Variants in EPHB2 observed in about 807,000 individuals in gnomAD.
EPHB2 encodes EPH receptor B2.
In EPHB2, 18 loss-of-function variants were observed where a neutral mutation model predicts 96.4. The observed-to-expected ratio is 0.19, with a 90% CI of 0.13 to 0.28. The LOEUF is 0.28. Ranked by LOEUF, EPHB2 falls within the 10% of genes least tolerant of loss-of-function variation. The probability of loss-of-function intolerance (pLI) is 1.00; values close to 1 mark genes in which losing one functional copy is unlikely to be tolerated. For missense variants in EPHB2, 989 were observed against 1,355.4 expected, an observed-to-expected ratio of 0.73 and a Z score of 4.25; for synonymous variants, 506 against 534.1, an observed-to-expected ratio of 0.95 and a Z score of 0.72.
chr1:22,877,357 G>A (rs1486348957), intron 5 of EPHB2, among the ~76,000 whole-genome samples: 1 of 152,260 alleles, frequency 6.6e-6, no homozygotes, highest in Non-Finnish European at 1.5e-5. Flanking sequence ...TGTGAAGCAT[G>A]TGGTTTGCTG....
chr1:22,841,743 C>T (rs528300212), intron 3 of EPHB2, among the ~76,000 whole-genome samples: 5 of 152,288 alleles, frequency 3.3e-5, no homozygotes, highest in South Asian at 2.1e-4. Context: ...CATGCCCTGT[C>T]GGCCCCATGG....
intron 1 of EPHB2, among the ~76,000 whole-genome samples, chr1:22,744,150 G>A (rs1002304390): frequency 1.4e-5 from 2 of 141,080 alleles, no homozygotes; most frequent in Non-Finnish European, 3.0e-5. Context: ...TGGGGTAAGA[G>A]TATGAATAAA....
At chr1:22,898,724 T>G (rs1439128488) in intron 9 of EPHB2, among the ~76,000 whole-genome samples, 3 of 152,020 alleles carry the variant, frequency 2.0e-5, no homozygotes, top group African/African-American at 7.2e-5. Context: ...AGGGAAGACA[T>G]GATGGTGGCC....
chr1:22,829,059 G>A (rs1487177834), intron 3 of EPHB2, among the ~76,000 whole-genome samples: 1 of 152,142 alleles, frequency 6.6e-6, no homozygotes, highest in Non-Finnish European at 1.5e-5. Flanking sequence ...GTGCCGTAGT[G>A]TCACATCAAG....
At chr1:22,882,283 G>A (rs765985759) in intron 5 of EPHB2, 76 bp from the exon 6 acceptor site, 7 of 1,596,228 alleles carry the variant, frequency 4.4e-6, no homozygotes, top group East Asian at 2.3e-5. Context: ...CCACCTGTCC[G>A]AGTACCTCTG....
intron 1 of EPHB2, among the ~76,000 whole-genome samples, chr1:22,762,466 G>C (rs1294810063): frequency 6.6e-6 from 1 of 152,056 alleles, no homozygotes; most frequent in Admixed American, 6.5e-5. Flanking sequence ...CCTGTGCCTT[G>C]AGCAAGCCAG....
chr1:22,711,155 GC>G (rs1487394591), intron 1 of EPHB2, 112 bp downstream of exon 1: 1 of 146,718 alleles, frequency 6.8e-6, no homozygotes, highest in Non-Finnish European at 1.5e-5. Flanking sequence ...GGGGGCCGGC[GC>G]CGGGCGCAGG....
At chr1:22,787,068 A>G (rs1337880954) in intron 3 of EPHB2, among the ~76,000 whole-genome samples, 1 of 152,218 alleles carries the variant, frequency 6.6e-6, no homozygotes, top group Non-Finnish European at 1.5e-5. Flanking sequence ...CCTTATGTTG[A>G]GCATCAGGCA....
chr1:22,729,797 A>G (rs1463256257), intron 1 of EPHB2, among the ~76,000 whole-genome samples: 1 of 152,250 alleles, frequency 6.6e-6, no homozygotes, highest in East Asian at 1.9e-4. Flanking sequence ...CAGACCGTCA[A>G]CTTTACAAGG....
intron 6 of EPHB2, among the ~76,000 whole-genome samples, chr1:22,889,256 T>C (rs571640596): frequency 3.0e-4 from 45 of 152,230 alleles, no homozygotes; most frequent in African/African-American, 9.9e-4. Context: ...GGTTCCTCAC[T>C]CTCATGAGGC....
chr1:22,767,110 C>T (rs920189968), intron 1 of EPHB2, among the ~76,000 whole-genome samples: 5 of 152,226 alleles, frequency 3.3e-5, no homozygotes, highest in East Asian at 3.9e-4. Context: ...CTCCAGGTCA[C>T]ACTGGGCACC....
chr1:22,838,986 A>G (rs752963324), intron 3 of EPHB2, among the ~76,000 whole-genome samples: 32 of 152,216 alleles, frequency 2.1e-4, no homozygotes, highest in Non-Finnish European at 4.3e-4. Flanking sequence ...ATCATACTAG[A>G]GAAGGGTGTG....
At chr1:22,778,124 C>T (rs952011344) in intron 1 of EPHB2, among the ~76,000 whole-genome samples, 2 of 152,134 alleles carry the variant, frequency 1.3e-5, no homozygotes, top group African/African-American at 4.8e-5. Flanking sequence ...CTCCTGGGTT[C>T]AAGCAATTTT....
chr1:22,826,967 C>A (rs370815195), intron 3 of EPHB2, among the ~76,000 whole-genome samples: 1 of 152,226 alleles, frequency 6.6e-6, no homozygotes, highest in Non-Finnish European at 1.5e-5. Flanking sequence ...CCTCCCCCTG[C>A]CTTTGACCTC....
chr1:22,739,859 A>G (rs1643882747), intron 1 of EPHB2, among the ~76,000 whole-genome samples: 1 of 152,210 alleles, frequency 6.6e-6, no homozygotes, highest in Admixed American at 6.5e-5. Context: ...TGAGTGATTC[A>G]TAACCTGACG....
intron 3 of EPHB2, among the ~76,000 whole-genome samples, chr1:22,816,512 TC>T: frequency 6.6e-6 from 1 of 152,116 alleles, no homozygotes; most frequent in South Asian, 2.1e-4. Flanking sequence ...GCCCTTGCCA[TC>T]CTCTGGGCCT....
At chr1:22,879,256 G>A (rs983662201) in intron 5 of EPHB2, among the ~76,000 whole-genome samples, 1 of 152,228 alleles carries the variant, frequency 6.6e-6, no homozygotes, top group Non-Finnish European at 1.5e-5. Context: ...GGATGAGAGG[G>A]GCAGAGAAGC....
At chr1:22,816,582 A>G (rs36041857) in intron 3 of EPHB2, among the ~76,000 whole-genome samples, 1,701 of 151,078 alleles carry the variant, frequency 0.011, 14 homozygotes, top group Non-Finnish European at 0.018. Flanking sequence ...CCACCCTCCC[A>G]CCTGGACCCC....
chr1:22,784,876 GC>G lies in EPHB2; in HGVS notation c.612del (p.Ala205ProfsTer127). On this transcript the variant is annotated frameshift_variant, in exon 3 of 16. Transcript: ENST00000374630. LOFTEE classifies it high-confidence loss of function. The surrounding 1 kb of genome is among the most constrained non-coding windows in gnomAD (Gnocchi z 5.1). ...YRKCPRIIQN[G>X]AIFQETLSGA... ...AAGTGCCCCCGCATCATCCAGAATG[GC>G]GCCATCTTCCAGGAAACCCTGTCGG... The G allele has an allele frequency of 6.2e-7, 1 of 1,613,560 alleles. No homozygotes were observed. The highest frequency in any genetic ancestry group is 1.1e-5 in the South Asian group (1 of 91,062).
Sources: allele counts gnomAD v4.1 joint callset (sites outside exome capture counted in the v4.1 genomes callset), GRCh38; gene constraint gnomAD v4.1.1; non-coding constraint Gnocchi (gnomAD v3.1); transcripts MANE v1.5; gene names NCBI Gene and HGNC (gene_info 2026-07-23, HGNC 2026-07-21).